SIK2: variants seen among roughly 807,000 people sequenced by gnomAD.
SIK2 encodes serine/threonine-protein kinase SIK2.
A neutral mutation model predicts 103.2 loss-of-function variants in SIK2; 29 were observed. The ratio of observed to expected loss-of-function variants is 0.28; its 90% CI spans 0.21 to 0.38. The LOEUF (loss-of-function observed/expected upper bound fraction) is 0.38. SIK2 is among the 10% of genes least tolerant of loss of function. The pLI, the probability that SIK2 is intolerant of heterozygous loss-of-function variation, is 1.00. For synonymous variants in SIK2, 412 were observed against 446.1 expected (o/e 0.92, Z 0.96); for missense variants, 879 against 1,171.0 (o/e 0.75, Z 3.64).
chr11:111,712,332 C>A lies in SIK2; in HGVS notation c.1223C>A (p.Ala408Glu), dbSNP rs766581700. ...TCATTTCCAGCATCTGGCTGTCAGGCGGAAGCTGCATTCATGGAAGAAGAG... is the reference window on the plus strand; with the variant it reads ...TCATTTCCAGCATCTGGCTGTCAGGAGGAAGCTGCATTCATGGAAGAAGAG... Reference protein sequence around the residue: ...AFSFPASGCQAEAAFMEEECV... With the variant: ...AFSFPASGCQEEAAFMEEECV... The change falls in exon 9 of 15, where the codon GCG becomes GAG. Residue 408 changes from alanine to glutamate, a missense_variant. Around this residue, in one of 7 missense-constraint regions of SIK2, gnomAD observed 222 missense variants for 258.0 expected, o/e 0.86. Coordinates refer to ENST00000304987, the MANE Select transcript of SIK2 (RefSeq NM_015191.3). The A allele has an allele frequency of 1.9e-6, 3 of 1,614,138 alleles. No individual in the cohort carries two copies. Among genetic ancestry groups the A allele is most frequent in the Non-Finnish European group, 2.5e-6 (3 of 1,180,030 alleles).
chr11:111,636,153 T>C (rs1336513565), intron 3 of SIK2, among the ~76,000 whole-genome samples: 7 of 152,244 alleles, frequency 4.6e-5, no homozygotes, highest in Admixed American at 1.3e-4. Flanking sequence ...GTAGATTTCC[T>C]ACTTAAAATA....
At chr11:111,612,293 A>C (rs991479288) in intron 1 of SIK2, among the ~76,000 whole-genome samples, 3 of 152,214 alleles carry the variant, frequency 2.0e-5, no homozygotes, top group Non-Finnish European at 4.4e-5. Flanking sequence ...TTGGGAAATA[A>C]ATGAGATAAA....
intron 1 of SIK2, among the ~76,000 whole-genome samples, chr11:111,603,400 G>T (rs150061156): frequency 6.6e-6 from 1 of 152,214 alleles, no homozygotes; most frequent in East Asian, 1.9e-4. Context: ...ACGGTGGGTG[G>T]ATTGGTCTTC....
rs778522855 is a variant in SIK2, at chr11:111,725,975, C to G, written c.*1846C>G. Reference sequence around the variant, plus strand: ...GAAAATCCAGGAAGAATGAATTAAGCTTCTTCTGGGAGTTGTTTATTCCTG... The same window carrying G: ...GAAAATCCAGGAAGAATGAATTAAGGTTCTTCTGGGAGTTGTTTATTCCTG... On this transcript the variant is annotated 3_prime_UTR_variant, in exon 15 of 15. Coordinates refer to ENST00000304987, the MANE Select transcript of SIK2 (RefSeq NM_015191.3). The G allele has an allele frequency of 7.2e-5, 11 of 152,176 alleles. No individual in the cohort carries two copies. Among genetic ancestry groups the G allele is most frequent in the Non-Finnish European group, 1.3e-4 (9 of 68,036 alleles). The allele number at this position is 152,176 out of a possible 1,614,324, so 9.4% of individuals were successfully genotyped here.
chr11:111,694,669 T>C (rs1943028264), intron 4 of SIK2, among the ~76,000 whole-genome samples: 1 of 152,226 alleles, frequency 6.6e-6, no homozygotes, highest in African/African-American at 2.4e-5. Flanking sequence ...CTTCTGCCAC[T>C]AGCATTACGT....
At chr11:111,718,320 CTA>C (rs1173093928) in intron 9 of SIK2, among the ~76,000 whole-genome samples, 2 of 152,120 alleles carry the variant, frequency 1.3e-5, no homozygotes, top group Admixed American at 6.5e-5. Flanking sequence ...TGCAAGGAAA[CTA>C]TTAAGTTTAG....
Position 111,703,734 on chromosome 11 carries a change from G to A in SIK2, c.948+311G>A, listed in dbSNP as rs546205674. On this transcript the variant is annotated intron_variant, in intron 7 of 14. Transcript: ENST00000304987. The stretch of plus-strand genomic sequence containing the variant: ...AAGATGAAGCATGAAGTTTTACATA[G>A]GTATTTAACTAGTTTGTATGGAATG... Among the ~76,000 whole-genome samples the A allele has an allele frequency of 3.3e-5, 5 of 152,262 alleles. No individual in the cohort carries two copies. In the South Asian group the frequency reaches 1.0e-3, roughly 32 times the overall value.
chr11:111,704,298 C>T (rs955746764), intron 7 of SIK2, among the ~76,000 whole-genome samples: 8 of 152,208 alleles, frequency 5.3e-5, no homozygotes, highest in Non-Finnish European at 1.0e-4. Context: ...CTGCACAGCA[C>T]CCATGCCGAC....
chr11:111,712,381 G>A lies in SIK2; in HGVS notation c.1266+6G>A, dbSNP rs370307555. ...AGTGTGTGGACACTCCAAAGGTACG[G>A]CTATGTTTGAGAGTCTCAGAACTGG... On this transcript the variant is annotated splice_donor_region_variant and intron_variant, in intron 9 of 14. Coordinates refer to ENST00000304987, the MANE Select transcript of SIK2 (RefSeq NM_015191.3). 1,127 of 1,611,914 alleles carry A rather than the reference G, an allele frequency of 7.0e-4. 1 individual carries two copies. Among genetic ancestry groups the A allele is most frequent in the Non-Finnish European group, 9.3e-4 (1,096 of 1,178,744 alleles).
intron 3 of SIK2, among the ~76,000 whole-genome samples, chr11:111,634,831 G>A (rs1396507616): frequency 6.6e-6 from 1 of 152,194 alleles, no homozygotes; most frequent in Non-Finnish European, 1.5e-5. Context: ...AACATGATCT[G>A]CTATGCAGAT....
At chr11:111,610,896 A>T (rs1443292041) in intron 1 of SIK2, among the ~76,000 whole-genome samples, 1 of 152,210 alleles carries the variant, frequency 6.6e-6, no homozygotes, top group Non-Finnish European at 1.5e-5. Context: ...TTTTCTACTC[A>T]TACCTTATGC....
intron 8 of SIK2, among the ~76,000 whole-genome samples, chr11:111,707,827 T>C (rs1359715716): frequency 6.6e-6 from 1 of 152,212 alleles, no homozygotes; most frequent in African/African-American, 2.4e-5. Context: ...TGTGGAATCA[T>C]GCAGACCTTG....
At chr11:111,712,666 C>T (rs993155283) in intron 9 of SIK2, among the ~76,000 whole-genome samples, 3 of 152,174 alleles carry the variant, frequency 2.0e-5, no homozygotes, top group Admixed American at 6.5e-5. Context: ...TTCCAGATCT[C>T]TCACAAGTGT....
chr11:111,670,120 A>T (rs1162551117), intron 3 of SIK2, among the ~76,000 whole-genome samples: 1 of 152,112 alleles, frequency 6.6e-6, no homozygotes, highest in Non-Finnish European at 1.5e-5. Context: ...CACCCCACTG[A>T]TCTATCCAAC....
intron 9 of SIK2, 52 bp downstream of exon 9, chr11:111,712,427 G>A: frequency 6.4e-7 from 1 of 1,565,140 alleles, no homozygotes; most frequent in Non-Finnish European, 8.7e-7. Flanking sequence ...AGAGATTTCA[G>A]TTTGGTCCAC....
chr11:111,719,300 T>G (rs1943732366), intron 9 of SIK2, among the ~76,000 whole-genome samples: 2 of 151,362 alleles, frequency 1.3e-5, no homozygotes, highest in African/African-American at 4.9e-5. Context: ...AAAGTCTTTC[T>G]AAAACCTTCC....
chr11:111,708,268 G>C (rs1943405039), intron 8 of SIK2, among the ~76,000 whole-genome samples: 1 of 152,140 alleles, frequency 6.6e-6, no homozygotes, highest in Non-Finnish European at 1.5e-5. Context: ...TATAATCCCA[G>C]CTATGCGGGA....
At chr11:111,616,841 AAAG>A (rs1289392137) in intron 2 of SIK2, among the ~76,000 whole-genome samples, 2 of 152,302 alleles carry the variant, frequency 1.3e-5, no homozygotes, top group South Asian at 2.1e-4. Flanking sequence ...TTAAAAAAAA[AAAG>A]AAGTTTACAA....
At chr11:111,632,138 A>G (rs1362795219) in intron 3 of SIK2, among the ~76,000 whole-genome samples, 2 of 152,198 alleles carry the variant, frequency 1.3e-5, no homozygotes, top group Non-Finnish European at 2.9e-5. Flanking sequence ...TAAGAACTTC[A>G]CATTTGGCTT....
Sources: allele counts gnomAD v4.1 joint callset (sites outside exome capture counted in the v4.1 genomes callset), GRCh38; gene constraint gnomAD v4.1.1; regional missense constraint gnomAD v4.1.1; transcripts MANE v1.5; gene names NCBI Gene and HGNC (gene_info 2026-07-23, HGNC 2026-07-21).